Variants in ABCB10 observed in about 807,000 individuals in gnomAD.
ABCB10 encodes the protein ATP-binding cassette sub-family B member 10, mitochondrial.
In ABCB10, 54 loss-of-function variants were observed where a neutral mutation model predicts 65.4. That is an observed-to-expected ratio of 0.83 (90% CI 0.66 to 1.04). The LOEUF (loss-of-function observed/expected upper bound fraction) is 1.04, where lower values mean the gene tolerates loss of function less well. Among genes scored for constraint, ABCB10 ranks in the 50% least tolerant of loss-of-function variants. ABCB10 has a pLI of 0.00. For synonymous variants in ABCB10, 418 were observed against 406.5 expected, an observed-to-expected ratio of 1.03 and a Z score of -0.34; for missense variants, 846 against 976.6, an observed-to-expected ratio of 0.87 and a Z score of 1.78.
chr1:229,522,469 G>A (rs1272134978), intron 10 of ABCB10, among the ~76,000 whole-genome samples: 1 of 152,196 alleles, frequency 6.6e-6, no homozygotes, highest in African/African-American at 2.4e-5. Context: ...GTCTCCCAAA[G>A]TGCTGAGATT....
At chr1:229,523,059 A>G (rs531360878) in intron 10 of ABCB10, among the ~76,000 whole-genome samples, 3 of 152,260 alleles carry the variant, frequency 2.0e-5, no homozygotes, top group African/African-American at 7.2e-5. Flanking sequence ...CCCCTCCTCT[A>G]GAGGAAAAAA....
chr1:229,531,686 C>A lies in ABCB10; in HGVS notation c.1385G>T (p.Gly462Val), dbSNP rs1250248039. The A allele has an allele frequency of 6.2e-7, 1 of 1,613,948 alleles. No homozygotes were observed. Among genetic ancestry groups the A allele is most frequent in the Non-Finnish European group, 8.5e-7 (1 of 1,179,866 alleles). ...CTCCAGGAGCTCCCAGAGGCGCCCC[C>A]CTGCACCCAGTCCTTTCATCAGCTC... is the stretch of plus-strand genomic sequence containing the variant. ...YSELMKGLGA[G>V]GRLWELLERE... is the part of the protein sequence containing the mutation. Residue 462 changes from glycine (G) to valine (V), a missense_variant, in exon 7 of 13, where the codon GGG (glycine) becomes GTG (valine). Coordinates refer to ENST00000344517, the MANE Select transcript of ABCB10 (RefSeq NM_012089.3).
At chr1:229,528,139 GA>G (rs3835576) in intron 8 of ABCB10, among the ~76,000 whole-genome samples, 2,134 of 152,276 alleles carry the variant, frequency 0.014, 93 homozygotes, top group Admixed American at 0.085. Context: ...AAGCCAGCTG[GA>G]AATGTTCACA....
At chr1:229,537,283 TA>T (rs1662742826) in intron 6 of ABCB10, among the ~76,000 whole-genome samples, 1 of 152,256 alleles carries the variant, frequency 6.6e-6, no homozygotes, top group African/African-American at 2.4e-5. Context: ...TGAAAATGGT[TA>T]GGTTTTGCTT....
At chr1:229,554,069 T>C (rs190633617) in intron 1 of ABCB10, among the ~76,000 whole-genome samples, 4 of 152,350 alleles carry the variant, frequency 2.6e-5, no homozygotes, top group Non-Finnish European at 5.9e-5. Context: ...AGAGGAAAGA[T>C]GCTTTGCGGA....
At chr1:229,540,826 T>G (rs1662825640) in intron 4 of ABCB10, 74 bp from the exon 5 acceptor site, 3 of 1,482,090 alleles carry the variant, frequency 2.0e-6, no homozygotes, top group Admixed American at 2.3e-5. Context: ...AAAAATAAAA[T>G]GTGGTTCTCA....
chr1:229,519,772 G>C (rs1215748690), intron 11 of ABCB10, among the ~76,000 whole-genome samples: 1 of 151,930 alleles, frequency 6.6e-6, no homozygotes, highest in Non-Finnish European at 1.5e-5. Context: ...CTGGGCGACA[G>C]AGTGAGACTC....
chr1:229,549,108 A>G, intron 2 of ABCB10, 126 bp downstream of exon 2: 4 of 984,848 alleles, frequency 4.1e-6, no homozygotes, highest in Non-Finnish European at 4.7e-6. Flanking sequence ...ATCCCCACTT[A>G]ATGGGATGCC....
chr1:229,539,198 T>A (rs1177992612), intron 6 of ABCB10, among the ~76,000 whole-genome samples: 1 of 152,048 alleles, frequency 6.6e-6, no homozygotes, highest in Non-Finnish European at 1.5e-5. Context: ...GGCTGGGAAA[T>A]AACCACTCCA....
intron 3 of ABCB10, among the ~76,000 whole-genome samples, chr1:229,543,761 G>A (rs1435425463): frequency 6.6e-6 from 1 of 152,218 alleles, no homozygotes; most frequent in Non-Finnish European, 1.5e-5. Flanking sequence ...CCCTGAGGCA[G>A]AAAGGAGGTT....
Position 229,542,345 on chromosome 1 carries a change from G to T in ABCB10, c.948C>A (p.Thr316=), listed in dbSNP as rs1662871936. 1 of 1,613,714 alleles carries T rather than the reference G, an allele frequency of 6.2e-7. No homozygotes were observed. The highest frequency in any genetic ancestry group is 8.5e-7 in the Non-Finnish European group (1 of 1,179,912). The change falls in exon 4 of 13, where the codon ACC becomes ACA. Residue 316 remains threonine (T), a synonymous_variant. Coordinates refer to ENST00000344517, the MANE Select transcript of ABCB10 (RefSeq NM_012089.3). ...MMFFVSPNLA[T]FVLSVVPPVS... is the part of the protein sequence containing the mutation. ...CTGGAGGCACCACGCTCAAAACAAA[G>T]GTGGCCAGATTAGGTGAGACAAAAA... is the stretch of plus-strand genomic sequence containing the variant.
chr1:229,530,535 C>A, intron 7 of ABCB10, 127 bp from the exon 8 acceptor site: 1 of 959,810 alleles, frequency 1.0e-6, no homozygotes. Context: ...TATATGAGCT[C>A]TTAAAGGGCA....
chr1:229,531,947 GTTTTTTTTTT>G, intron 6 of ABCB10: 1 of 132,258 alleles, frequency 7.6e-6, no homozygotes, highest in East Asian at 1.9e-4. Context: ...CAGTTTCATA[GTTTTTTTTTT>G]TTTTTTTTTT....
At chr1:229,525,480 G>A (rs1662419092) in intron 10 of ABCB10, among the ~76,000 whole-genome samples, 1 of 152,148 alleles carries the variant, frequency 6.6e-6, no homozygotes, top group Admixed American at 6.5e-5. Context: ...ATATAAGAGA[G>A]CAAGTGGTAA....
At chr1:229,556,755 G>A (rs771292358) in intron 1 of ABCB10, among the ~76,000 whole-genome samples, 29 of 152,158 alleles carry the variant, frequency 1.9e-4, no homozygotes, top group Non-Finnish European at 3.1e-4. Context: ...GTCACATACA[G>A]AAGTGGTGGG....
At chr1:229,553,828 T>G (rs1478393081) in intron 1 of ABCB10, among the ~76,000 whole-genome samples, 3 of 151,968 alleles carry the variant, frequency 2.0e-5, no homozygotes, top group Non-Finnish European at 4.4e-5. Flanking sequence ...TCACTCCATC[T>G]CTCTGTGCCC....
At chr1:229,536,347 A>C (rs1219864705) in intron 6 of ABCB10, among the ~76,000 whole-genome samples, 1 of 151,952 alleles carries the variant, frequency 6.6e-6, no homozygotes, top group Non-Finnish European at 1.5e-5. Context: ...CTCTCCAAAA[A>C]ATAAAAATAA....
At chr1:229,543,333 AAC>A (rs1301827373) in intron 3 of ABCB10, among the ~76,000 whole-genome samples, 1 of 152,214 alleles carries the variant, frequency 6.6e-6, no homozygotes, top group African/African-American at 2.4e-5. Flanking sequence ...GGAAGTAAGT[AAC>A]AGAGGGTTTT....
chr1:229,518,112 T>G lies in ABCB10; in HGVS notation c.*67A>C, dbSNP rs1171955837. On this transcript the variant is annotated 3_prime_UTR_variant, in exon 13 of 13. Transcript: ENST00000344517. Reference sequence around the variant, plus strand: ...TATATGGTTTATGTATTTCATAGTCTCTGAGTTTTTTTTCTGCAACACTGT... The same window carrying G: ...TATATGGTTTATGTATTTCATAGTCGCTGAGTTTTTTTTCTGCAACACTGT... 22 of 1,172,440 alleles carry G rather than the reference T, an allele frequency of 1.9e-5. No individual in the cohort carries two copies. The highest frequency in any genetic ancestry group is 2.6e-5 in the Non-Finnish European group (21 of 799,662). 72.6% of individuals were successfully genotyped at this position (1,172,440 alleles called of 1,614,324 possible). A position where few individuals can be genotyped will look rare whatever the true frequency, so the allele number is the denominator to read the frequency against.
Sources: allele counts gnomAD v4.1 joint callset (sites outside exome capture counted in the v4.1 genomes callset), GRCh38; gene constraint gnomAD v4.1.1; transcripts MANE v1.5; gene names NCBI Gene and HGNC (gene_info 2026-07-23, HGNC 2026-07-21).